The following SORL1 variants were observed in gnomAD, a reference collection of about 807,000 sequenced individuals.
SORL1 encodes sortilin-related receptor.
In SORL1, 127 loss-of-function variants were observed where a neutral mutation model predicts 273.7. The observed-to-expected ratio is 0.46, with a 90% CI of 0.40 to 0.54. The LOEUF (loss-of-function observed/expected upper bound fraction) is 0.54, where lower values mean the gene tolerates loss of function less well. SORL1 is among the 20% of genes least tolerant of loss of function. SORL1 has a pLI of 0.00. For missense variants in SORL1, 2,494 were observed against 2,846.1 expected (o/e 0.88, Z 2.81); for synonymous variants, 1,031 against 1,067.4 (o/e 0.97, Z 0.66).
At chr11:121,486,022 A>G (rs1166809832) in intron 3 of SORL1, among the ~76,000 whole-genome samples, 1 of 152,226 alleles carries the variant, frequency 6.6e-6, no homozygotes, top group African/African-American at 2.4e-5. Flanking sequence ...TGAAAGCAGC[A>G]TGAGACAAGT....
intron 2 of SORL1, among the ~76,000 whole-genome samples, chr11:121,472,437 T>C (rs999088428): frequency 6.6e-6 from 1 of 152,206 alleles, no homozygotes; most frequent in African/African-American, 2.4e-5. Context: ...TCACTCAGCA[T>C]GTCAGTGGGA....
At chr11:121,547,417 C>A (rs1351688526) in intron 14 of SORL1, among the ~76,000 whole-genome samples, 15 of 24,034 alleles carry the variant, frequency 6.2e-4, no homozygotes, top group Middle Eastern at 0.042. Context: ...CAACCCTCAC[C>A]AAAAAAAAAA....
intron 35 of SORL1, among the ~76,000 whole-genome samples, chr11:121,606,369 C>T (rs956329146): frequency 9.8e-5 from 15 of 152,286 alleles, no homozygotes; most frequent in Admixed American, 1.3e-4. Flanking sequence ...AATATGCTAG[C>T]GCTAAACTCA....
intron 5 of SORL1, among the ~76,000 whole-genome samples, chr11:121,491,146 C>G (rs769908874): frequency 6.6e-6 from 1 of 152,136 alleles, no homozygotes; most frequent in Non-Finnish European, 1.5e-5. Flanking sequence ...AGAACATGAA[C>G]TCTTAATTTT....
chr11:121,501,780 T>A (rs933672974), intron 6 of SORL1, among the ~76,000 whole-genome samples: 6 of 152,300 alleles, frequency 3.9e-5, no homozygotes, highest in Middle Eastern at 3.4e-3. Context: ...ATGTGGGGAT[T>A]ATGGGAGCTA....
In SORL1 at chr11:121,476,522, A is replaced by G. The variant is rs144913266; in HGVS notation, c.403-1596A>G. Reference sequence around the variant, plus strand: ...TAGGGCATTGTTTGCAGACATTTACATGTTTACATGCCCATCGTGTCTAAA... The same window carrying G: ...TAGGGCATTGTTTGCAGACATTTACGTGTTTACATGCCCATCGTGTCTAAA... On this transcript the variant is annotated intron_variant, in intron 2 of 47. Transcript: ENST00000260197. 4.7e-3 allele frequency among the ~76,000 whole-genome samples: 716 copies of G among 152,242 alleles called. 5 individuals are homozygous for G. The highest frequency in any genetic ancestry group is 0.02 in the Middle Eastern group (6 of 294).
At chr11:121,583,434 C>CT (rs1247334906) in intron 25 of SORL1, 24 bp from the exon 26 acceptor site, 3 of 1,603,910 alleles carry the variant, frequency 1.9e-6, no homozygotes, top group Non-Finnish European at 2.6e-6. Context: ...GGGTGTGCGA[C>CT]TGTGTCTCTC....
intron 12 of SORL1, among the ~76,000 whole-genome samples, chr11:121,535,908 A>G (rs1355187508): frequency 1.3e-5 from 2 of 152,112 alleles, no homozygotes; most frequent in Non-Finnish European, 2.9e-5. Flanking sequence ...GGATCCACTT[A>G]TTCGTTCATT....
Position 121,611,258 on chromosome 11 carries a change from A to G in SORL1, c.5322+100A>G, listed in dbSNP as rs562222195. On this transcript the variant is annotated intron_variant, in intron 39 of 47. Transcript: ENST00000260197. ...AAGACTGGAAAAAAACAAAAAACAA[A>G]AAACAAAAAAAACGAACGGCTAGAT... 12 of 814,088 alleles carry G rather than the reference A, an allele frequency of 1.5e-5. No individual in the cohort carries two copies. In the East Asian group the frequency reaches 2.5e-4, roughly 17 times the overall value. 50.4% of individuals were successfully genotyped at this position (814,088 alleles called of 1,614,324 possible).
chr11:121,524,337 G>GT (rs1862087432), intron 11 of SORL1, among the ~76,000 whole-genome samples: 2 of 152,242 alleles, frequency 1.3e-5, no homozygotes, highest in South Asian at 4.1e-4. Context: ...AGAAAGCAGT[G>GT]TCTTGTTCCT....
chr11:121,538,183 ATTTTT>A (rs11399955), intron 12 of SORL1, among the ~76,000 whole-genome samples: 1 of 146,588 alleles, frequency 6.8e-6, no homozygotes, highest in African/African-American at 2.5e-5. Flanking sequence ...GGTGGCTCCT[ATTTTT>A]TTTTTTTTGA....
At chr11:121,564,010 G>A (rs1862716178) in intron 21 of SORL1, among the ~76,000 whole-genome samples, 1 of 152,210 alleles carries the variant, frequency 6.6e-6, no homozygotes, top group Non-Finnish European at 1.5e-5. Flanking sequence ...TTTCCAAACA[G>A]GAAATGTGAA....
At chr11:121,505,428 AT>A (rs1237799505) in intron 6 of SORL1, among the ~76,000 whole-genome samples, 8 of 150,610 alleles carry the variant, frequency 5.3e-5, no homozygotes, top group African/African-American at 2.0e-4. Flanking sequence ...TTTCTTTATT[AT>A]TTTTCTCTTC....
intron 23 of SORL1, among the ~76,000 whole-genome samples, chr11:121,573,135 A>G (rs569373754): frequency 6.6e-6 from 1 of 152,370 alleles, no homozygotes; most frequent in Admixed American, 6.5e-5. Flanking sequence ...TTCTGTATCC[A>G]TTCTAATGCC....
intron 16 of SORL1, among the ~76,000 whole-genome samples, chr11:121,551,511 T>C (rs1198035287): frequency 6.6e-6 from 1 of 152,226 alleles, no homozygotes; most frequent in Admixed American, 6.5e-5. Flanking sequence ...TAGTTGCTTT[T>C]CTTCACTCTG....
At chr11:121,517,864 A>C (rs1226345686) in intron 8 of SORL1, among the ~76,000 whole-genome samples, 2 of 152,204 alleles carry the variant, frequency 1.3e-5, no homozygotes, top group African/African-American at 4.8e-5. Context: ...AGCCAGGTGA[A>C]ATGGGATAAA....
chr11:121,476,074 C>T (rs910172989), intron 2 of SORL1, among the ~76,000 whole-genome samples: 7 of 152,132 alleles, frequency 4.6e-5, no homozygotes, highest in African/African-American at 1.4e-4. Flanking sequence ...AAACTATCAC[C>T]TTTGTGCCCC....
intron 1 of SORL1, among the ~76,000 whole-genome samples, chr11:121,460,572 A>G (rs1404880021): frequency 6.6e-6 from 1 of 151,598 alleles, no homozygotes; most frequent in African/African-American, 2.4e-5. Context: ...ATTGTTTTGT[A>G]TTTTTAGTAG....
At chr11:121,506,473 C>T (rs1200853974) in intron 6 of SORL1, among the ~76,000 whole-genome samples, 1 of 152,170 alleles carries the variant, frequency 6.6e-6, no homozygotes, top group Non-Finnish European at 1.5e-5. Flanking sequence ...TGCAGGGAAA[C>T]TCCTCCTTTT....
Sources: gnomAD v4.1 joint callset for allele counts (sites outside exome capture counted in the v4.1 genomes callset) on GRCh38, gnomAD v4.1.1 for gene constraint, MANE v1.5 for transcripts, NCBI Gene and HGNC (gene_info 2026-07-23, HGNC 2026-07-21) for gene names.